Variants in ABCC10 observed in about 807,000 individuals in gnomAD.
The protein encoded by ABCC10 is ATP binding cassette subfamily C member 10.
Under a neutral mutation model 143.2 loss-of-function variants are expected in ABCC10, and 110 were observed. That is an observed-to-expected ratio of 0.77 (90% CI 0.66 to 0.90). The LOEUF (loss-of-function observed/expected upper bound fraction) is 0.90. Among genes scored for constraint, ABCC10 ranks in the 40% least tolerant of loss-of-function variants. The pLI, the probability that ABCC10 is intolerant of heterozygous loss-of-function variation, is 0.00. For missense variants in ABCC10, 1,700 were observed against 1,900.5 expected (o/e 0.89, Z 1.96); for synonymous variants, 805 against 846.7 (o/e 0.95, Z 0.85).
chr6:43,449,301 T>A (rs1783492967), intron 20 of ABCC10, 97 bp downstream of exon 20: 1 of 1,510,164 alleles, frequency 6.6e-7, no homozygotes, highest in Admixed American at 1.9e-5. Flanking sequence ...GGGGACCAAG[T>A]TCATTTTCCT....
intron 2 of ABCC10, 104 bp from the exon 3 acceptor site, chr6:43,432,038 G>A: frequency 1.2e-5 from 18 of 1,513,548 alleles, no homozygotes; most frequent in Non-Finnish European, 9.7e-6. Context: ...TGCAAGGCAG[G>A]AAGGGAGTTG....
At chr6:43,448,820 T>C in intron 18 of ABCC10, 61 bp from the exon 19 acceptor site, 1 of 1,541,790 alleles carries the variant, frequency 6.5e-7, no homozygotes, top group Non-Finnish European at 8.7e-7. Flanking sequence ...AGTCAGAAAC[T>C]GAGCTGGGAG....
chr6:43,432,942 G>A lies in ABCC10; in HGVS notation c.962G>A (p.Ser321Asn). 1 of 1,614,208 alleles carries A rather than the reference G, an allele frequency of 6.2e-7. No homozygotes were observed. Among genetic ancestry groups the A allele is most frequent in the Non-Finnish European group, 8.5e-7 (1 of 1,180,034 alleles). Reference sequence around the variant, plus strand: ...CTGGAAGAGGGGCAGGAGCCACTAAGCCACGGCCTGCTCTATGCTCTGGGG... The same window carrying A: ...CTGGAAGAGGGGCAGGAGCCACTAAACCACGGCCTGCTCTATGCTCTGGGG... ...GFLEEGQEPLSHGLLYALGLA... is the reference protein window; with the variant it reads ...GFLEEGQEPLNHGLLYALGLA... Residue 321 changes from serine (S) to asparagine (N), a missense_variant, in exon 3 of 22, where the codon AGC (serine) becomes AAC (asparagine). Coordinates refer to ENST00000372530, the MANE Select transcript of ABCC10 (RefSeq NM_001198934.2).
chr6:43,433,687 C>G (rs1039987341), intron 3 of ABCC10, among the ~76,000 whole-genome samples: 4 of 152,146 alleles, frequency 2.6e-5, no homozygotes, highest in African/African-American at 9.7e-5. Context: ...CATGTGGCCA[C>G]CCTGGGAGGT....
Position 43,432,906 on chromosome 6 carries a change from T to TG in ABCC10, c.928dup (p.Val310GlyfsTer38). ...TCAGGGCCCCTGTTGCTCTCCCTAC[T>TG]GGTGGGCTTCCTGGAAGAGGGGCAG... On this transcript the variant is annotated frameshift_variant, in exon 3 of 22. Transcript: ENST00000372530. LOFTEE classifies it high-confidence loss of function. 6.2e-7 allele frequency: 1 copy of TG among 1,614,192 alleles called. No homozygotes were observed.
chr6:43,445,484 G>A (rs1268769710), intron 14 of ABCC10, 115 bp from the exon 15 acceptor site: 1 of 1,375,804 alleles, frequency 7.3e-7, no homozygotes, highest in African/African-American at 1.4e-5. Flanking sequence ...GGATATTTTA[G>A]TCCTTCCCTA....
chr6:43,434,849 G>T lies in ABCC10; in HGVS notation c.1608+1G>T. ...GGGGCACCAGCTCACTGCCACCAAG[G>T]TGAGGACCAGGAAGGAAGGGGACCA... On this transcript the variant is annotated splice_donor_variant, in intron 4 of 21. Transcript: ENST00000372530. LOFTEE classifies it high-confidence loss of function. 1 of 1,613,602 alleles carries T rather than the reference G, an allele frequency of 6.2e-7. No individual in the cohort carries two copies. The highest frequency in any genetic ancestry group is 8.5e-7 in the Non-Finnish European group (1 of 1,179,514).
chr6:43,445,848 C>T lies in ABCC10; in HGVS notation c.3280C>T (p.Arg1094Cys), dbSNP rs770561160. Residue 1094 changes from arginine to cysteine, a missense_variant, in exon 15 of 22, where the codon CGC becomes TGC. Arg to Cys is a radical substitution (Grantham distance 180, BLOSUM62 -3). Coordinates refer to ENST00000372530, the MANE Select transcript of ABCC10 (RefSeq NM_001198934.2). ...HYRASSRELR[R>C]LGSLTLSPLY... ...CAGGGCCTCCTCACGGGAGCTGCGG[C>T]GCCTGGGCAGCCTCACCCTGTCTCC... is the stretch of plus-strand genomic sequence containing the variant. The T allele has an allele frequency of 3.1e-5, 50 of 1,613,996 alleles. No homozygotes were observed. Among genetic ancestry groups the T allele is most frequent in the South Asian group, 5.5e-5 (5 of 91,092 alleles).
In ABCC10 at chr6:43,444,867, A is replaced by G; in HGVS notation, c.2769A>G (p.Gln923=). Residue 923 remains glutamine (Q), a synonymous_variant, in exon 13 of 22, where the codon CAA becomes CAG. Transcript: ENST00000372530. The part of the protein sequence containing the change: ...LKAENSSQEA[Q]PSTSPASMGL... ...CTGAGAATAGCTCCCAGGAGGCGCA[A>G]CCCTCCACCAGCCCAGCTTCTATGG... 1.2e-6 allele frequency: 2 copies of G among 1,613,936 alleles called. No individual in the cohort carries two copies. The highest frequency in any genetic ancestry group is 1.7e-6 in the Non-Finnish European group (2 of 1,179,940).
chr6:43,450,089 T>A lies in ABCC10; in HGVS notation c.4477T>A (p.Ter1493ArgextTer60). 6.3e-7 allele frequency: 1 copy of A among 1,596,226 alleles called. No individual in the cohort carries two copies. The highest frequency in any genetic ancestry group is 1.1e-5 in the South Asian group (1 of 88,036). Residue 1493 changes from the stop codon to arginine (R), a stop_lost, in exon 22 of 22, where the codon TGA becomes AGA. Transcript: ENST00000372530. The surrounding 1 kb of genome is among the most constrained non-coding windows in gnomAD (Gnocchi z 4.5). ...AGTCCCTGCCTCACTCGGAGGTCCC[T>A]GAGCCCAATCCCACACCCTGCAGAG... ...QGVPASLGGP[*>R] is the part of the protein sequence containing the mutation.
At chr6:43,446,772 C>A in intron 16 of ABCC10, 1 of 1,205,188 alleles carries the variant, frequency 8.3e-7, no homozygotes, top group Non-Finnish European at 1.0e-6. Context: ...TTCTCCAGGC[C>A]CACCCCCTGC....
intron 16 of ABCC10, chr6:43,446,710 C>T (rs1783125387): frequency 7.6e-7 from 1 of 1,313,516 alleles, no homozygotes; most frequent in Non-Finnish European, 9.7e-7. Flanking sequence ...CACCCCGTCC[C>T]CACCACACTG....
chr6:43,438,856 A>G, intron 8 of ABCC10, 61 bp downstream of exon 8: 4 of 1,574,580 alleles, frequency 2.5e-6, no homozygotes, highest in Non-Finnish European at 2.6e-6. Flanking sequence ...TGACACCTCA[A>G]ACCAGGAGCT....
Position 43,443,112 on chromosome 6 carries a change from G to T in ABCC10, c.2369G>T (p.Arg790Met). The T allele has an allele frequency of 6.2e-7, 1 of 1,610,452 alleles. No homozygotes were observed. The highest frequency in any genetic ancestry group is 8.5e-7 in the Non-Finnish European group (1 of 1,179,756). Residue 790 changes from arginine to methionine, a missense_variant, in exon 10 of 22, where the codon AGG becomes ATG. Physicochemically the swap from Arg to Met is moderately conservative, Grantham distance 91 (BLOSUM62 -1). Coordinates refer to ENST00000372530, the MANE Select transcript of ABCC10 (RefSeq NM_001198934.2). The surrounding 1 kb of genome is among the most constrained non-coding windows in gnomAD (Gnocchi z 4.2). ...LCTHRTEYLE[R>M]ADAVLLMEAG... The stretch of plus-strand genomic sequence containing the variant: ...ACCCACCGCACTGAGTACCTGGAGA[G>T]GGCTGACGCGGTGCTGCTGATGGAG...
chr6:43,439,030 G>A (rs908565470), intron 8 of ABCC10, among the ~76,000 whole-genome samples: 1 of 152,178 alleles, frequency 6.6e-6, no homozygotes, highest in African/African-American at 2.4e-5. Context: ...AAGGCCTCTG[G>A]AGCTAGGGAG....
In ABCC10 at chr6:43,449,216, G is replaced by C; in HGVS notation, c.4203+12G>C. 1 of 1,613,388 alleles carries C rather than the reference G, an allele frequency of 6.2e-7. No homozygotes were observed. Among genetic ancestry groups the C allele is most frequent in the Non-Finnish European group, 8.5e-7 (1 of 1,179,582 alleles). On this transcript the variant is annotated intron_variant, in intron 20 of 21. Coordinates refer to ENST00000372530, the MANE Select transcript of ABCC10 (RefSeq NM_001198934.2). ...TCACAGATGCCAAGGTAAGGTGAGA[G>C]AAAGAGACATTAGAGAGGGCCAGGA...
chr6:43,448,745 TG>T, intron 18 of ABCC10, 135 bp from the exon 19 acceptor site: 1 of 1,069,382 alleles, frequency 9.4e-7, no homozygotes, highest in Non-Finnish European at 1.3e-6. Flanking sequence ...GGGGATGGGG[TG>T]GGGAGCAGAG....
At chr6:43,434,102 C>T (rs902711189) in intron 3 of ABCC10, among the ~76,000 whole-genome samples, 13 of 152,240 alleles carry the variant, frequency 8.5e-5, no homozygotes, top group Non-Finnish European at 1.8e-4. Context: ...GAGTTTTGGC[C>T]CTTGCCCATC....
In ABCC10 at chr6:43,428,057, C is replaced by G. The variant is rs1562161239; in HGVS notation, c.79C>G (p.His27Asp). ...LPLWEGDTTG[H>D]CFTQLVLSAL... The stretch of plus-strand genomic sequence containing the variant: ...GCTGTGGGAGGGGGACACCACAGGC[C>G]ACTGCTTCACCCAGCTGGTGCTCAG... The change falls in exon 2 of 22, where the codon CAC (histidine) becomes GAC (aspartate). Residue 27 changes from histidine (H) to aspartate (D), a missense_variant. Coordinates refer to ENST00000372530, the MANE Select transcript of ABCC10 (RefSeq NM_001198934.2). The G allele has an allele frequency of 6.3e-7, 1 of 1,591,220 alleles. No homozygotes were observed. The highest frequency in any genetic ancestry group is 1.8e-5 in the Admixed American group (1 of 56,140).
Sources: gnomAD v4.1 joint callset for allele counts (sites outside exome capture counted in the v4.1 genomes callset) on GRCh38, gnomAD v4.1.1 for gene constraint, Gnocchi (gnomAD v3.1) non-coding constraint, MANE v1.5 for transcripts, NCBI Gene and HGNC (gene_info 2026-07-23, HGNC 2026-07-21) for gene names.